FBXW11: variants seen among roughly 807,000 people sequenced by gnomAD.
The protein encoded by FBXW11 is F-box/WD repeat-containing protein 11.
In FBXW11, 19 loss-of-function variants were observed where a neutral mutation model predicts 77.6. That is an observed-to-expected ratio of 0.24 (90% CI 0.17 to 0.36). The LOEUF (loss-of-function observed/expected upper bound fraction) is 0.36, where lower values mean the gene tolerates loss of function less well. FBXW11 is among the 10% of genes least tolerant of loss of function. The pLI is 1.00. For missense variants in FBXW11, 334 were observed against 704.2 expected (o/e 0.47, Z 5.95); for synonymous variants, 235 against 249.4 (o/e 0.94, Z 0.54).
At chr5:171,956,483 A>G (rs889405361) in intron 2 of FBXW11, among the ~76,000 whole-genome samples, 2 of 152,164 alleles carry the variant, frequency 1.3e-5, no homozygotes, top group African/African-American at 4.8e-5. Flanking sequence ...ACAGTTCCCC[A>G]AAGAAAGCAA....
At chr5:171,918,689 A>C (rs1216028339) in intron 2 of FBXW11, among the ~76,000 whole-genome samples, 1 of 152,222 alleles carries the variant, frequency 6.6e-6, no homozygotes, top group Non-Finnish European at 1.5e-5. Context: ...TAGGAAGAAG[A>C]AGCTAGACTC....
At chr5:171,881,085 G>A (rs895458233) in intron 7 of FBXW11, among the ~76,000 whole-genome samples, 17 of 152,102 alleles carry the variant, frequency 1.1e-4, no homozygotes, top group East Asian at 1.9e-4. Flanking sequence ...CCTTGTATCC[G>A]GCAAACTTGC....
At chr5:171,970,257 C>A (rs1764449360) in intron 1 of FBXW11, among the ~76,000 whole-genome samples, 1 of 152,188 alleles carries the variant, frequency 6.6e-6, no homozygotes, top group African/African-American at 2.4e-5. Context: ...CAGTCTCCCC[C>A]ATTCTGTTCT....
chr5:171,975,695 A>C (rs1764790673), intron 1 of FBXW11, among the ~76,000 whole-genome samples: 1 of 152,236 alleles, frequency 6.6e-6, no homozygotes. Flanking sequence ...AGTAAAGGTT[A>C]AAAGAAACAG....
At chr5:171,975,053 CA>C (rs1196596019) in intron 1 of FBXW11, among the ~76,000 whole-genome samples, 1 of 152,196 alleles carries the variant, frequency 6.6e-6, no homozygotes, top group East Asian at 1.9e-4. Flanking sequence ...CTCGGCCTCC[CA>C]AAGTGCTGGG....
At position 171,862,380 on chromosome 5, in the gene FBXW11, C is replaced by T. The variant is rs1337642968; in HGVS notation, c.*1747G>A. ...GCCAACTCAATAAACAAATCACATACACACACACTGATCCCCACACCGTTC... is the reference window on the plus strand; with the variant it reads ...GCCAACTCAATAAACAAATCACATATACACACACTGATCCCCACACCGTTC... On this transcript the variant is annotated 3_prime_UTR_variant, in exon 14 of 14. Coordinates refer to ENST00000517395, the MANE Select transcript of FBXW11 (RefSeq NM_001378974.1). 2 of 152,608 alleles carry T rather than the reference C, an allele frequency of 1.3e-5. No homozygotes were observed. The highest frequency in any genetic ancestry group is 2.9e-5 in the Non-Finnish European group (2 of 68,030). The allele number at this position is 152,608 out of a possible 1,614,324, so 9.5% of individuals were successfully genotyped here.
At chr5:171,944,190 A>C (rs1468763687) in intron 2 of FBXW11, among the ~76,000 whole-genome samples, 1 of 152,106 alleles carries the variant, frequency 6.6e-6, no homozygotes, top group Middle Eastern at 3.2e-3. Context: ...AAGTATACAA[A>C]GCATAGAAAG....
At chr5:171,873,381 T>G (rs914494786) in intron 9 of FBXW11, among the ~76,000 whole-genome samples, 5 of 152,306 alleles carry the variant, frequency 3.3e-5, no homozygotes, top group Middle Eastern at 3.4e-3. Flanking sequence ...GTACGGTAGC[T>G]CACACCTAAT....
At chr5:171,944,929 G>A (rs75244558) in intron 2 of FBXW11, among the ~76,000 whole-genome samples, 2,632 of 152,170 alleles carry the variant, frequency 0.017, 71 homozygotes, top group African/African-American at 0.061. Context: ...TCACATTCCA[G>A]CTTATTATGC....
At chr5:171,926,766 G>C (rs748787998) in intron 2 of FBXW11, among the ~76,000 whole-genome samples, 1 of 152,100 alleles carries the variant, frequency 6.6e-6, no homozygotes, top group Non-Finnish European at 1.5e-5. Flanking sequence ...GACTAATAGA[G>C]GCTCCTTTAG....
chr5:171,896,175 A>T (rs1759733174), intron 6 of FBXW11, among the ~76,000 whole-genome samples: 1 of 152,172 alleles, frequency 6.6e-6, no homozygotes, highest in African/African-American at 2.4e-5. Context: ...AAATCTGGGA[A>T]CGTACAGATT....
intron 1 of FBXW11, among the ~76,000 whole-genome samples, chr5:171,973,970 T>C (rs1764677367): frequency 6.6e-6 from 1 of 152,194 alleles, no homozygotes; most frequent in Admixed American, 6.5e-5. Context: ...TTTTTAAGTC[T>C]TCGTTTTTGA....
chr5:171,957,298 G>GT (rs993565718), intron 2 of FBXW11, among the ~76,000 whole-genome samples: 42 of 151,914 alleles, frequency 2.8e-4, no homozygotes, highest in African/African-American at 8.7e-4. Context: ...AATGTCAGGA[G>GT]TTTTTTTTGG....
intron 6 of FBXW11, among the ~76,000 whole-genome samples, chr5:171,897,696 T>C (rs539133654): frequency 1.4e-4 from 22 of 152,138 alleles, no homozygotes; most frequent in Non-Finnish European, 3.1e-4. Context: ...TTCAAAGAAT[T>C]TTTTTGATAA....
intron 1 of FBXW11, among the ~76,000 whole-genome samples, chr5:172,000,399 C>T (rs1281648761): frequency 6.6e-6 from 1 of 152,194 alleles, no homozygotes; most frequent in Non-Finnish European, 1.5e-5. Context: ...TCTGTAGTTA[C>T]AGCATAGATC....
intron 4 of FBXW11, among the ~76,000 whole-genome samples, chr5:171,905,299 A>C (rs1003892032): frequency 1.3e-5 from 2 of 152,172 alleles, no homozygotes; most frequent in Non-Finnish European, 2.9e-5. Flanking sequence ...AATGATATTA[A>C]ATGTCTGAAA....
chr5:171,871,801 G>A (rs778701925), intron 10 of FBXW11, among the ~76,000 whole-genome samples: 13 of 152,150 alleles, frequency 8.5e-5, no homozygotes, highest in Non-Finnish European at 1.3e-4. Context: ...CTTAGTACCC[G>A]TGATGATAGC....
intron 1 of FBXW11, among the ~76,000 whole-genome samples, chr5:171,959,157 T>TA (rs930015177): frequency 1.7e-4 from 26 of 151,806 alleles, no homozygotes; most frequent in African/African-American, 6.0e-4. Context: ...CCAAATGGAA[T>TA]AAAAAAATTG....
chr5:171,893,191 A>AG lies in FBXW11; in HGVS notation c.715-1588dup, dbSNP rs143898921. 2.4e-3 allele frequency among the ~76,000 whole-genome samples: 363 copies of AG among 152,134 alleles called. 1 individual carries two copies. The highest frequency in any genetic ancestry group is 8.3e-3 in the African/African-American group (344 of 41,508). ...TCCATCATTTGTGGCCCCAGTGCTC[A>AG]GCAAGAGTCCTGGAAATACGGTATC... On this transcript the variant is annotated intron_variant, in intron 6 of 13. Coordinates refer to ENST00000517395, the MANE Select transcript of FBXW11 (RefSeq NM_001378974.1).
Sources: allele counts gnomAD v4.1 joint callset (sites outside exome capture counted in the v4.1 genomes callset), GRCh38; gene constraint gnomAD v4.1.1; transcripts MANE v1.5; gene names NCBI Gene and HGNC (gene_info 2026-07-23, HGNC 2026-07-21).